ANGEL1: variants seen among roughly 807,000 people sequenced by gnomAD.
ANGEL1 encodes the protein RNA 2',3'-cyclic phosphatase ANGEL1.
A neutral mutation model predicts 76.4 loss-of-function variants in ANGEL1; 62 were observed. The ratio of observed to expected loss-of-function variants is 0.81; its 90% CI spans 0.66 to 1.00. The LOEUF is 1.00. Among genes scored for constraint, ANGEL1 ranks in the 50% least tolerant of loss-of-function variants. ANGEL1 has a pLI of 0.00. For missense variants in ANGEL1, 737 were observed against 836.7 expected (o/e 0.88, Z 1.47); for synonymous variants, 340 against 331.7 (o/e 1.03, Z -0.27).
intron 9 of ANGEL1, among the ~76,000 whole-genome samples, chr14:76,789,872 T>C (rs1314233956): frequency 6.6e-6 from 1 of 150,544 alleles, no homozygotes; most frequent in Non-Finnish European, 1.5e-5. Flanking sequence ...TTTTTTTTTT[T>C]TTTTTTTTTA....
intron 7 of ANGEL1, among the ~76,000 whole-genome samples, chr14:76,797,905 G>T (rs892062163): frequency 3.3e-5 from 5 of 152,208 alleles, no homozygotes; most frequent in Non-Finnish European, 1.5e-5. Context: ...AAATGTTTGT[G>T]TCCCCACAAT....
intron 1 of ANGEL1, among the ~76,000 whole-genome samples, chr14:76,811,519 G>C (rs528764758): frequency 1.2e-4 from 8 of 67,328 alleles, no homozygotes; most frequent in East Asian, 9.8e-4. Flanking sequence ...ATGTGTAGGT[G>C]GGGGGGCGGG....
chr14:76,790,526 G>A, intron 9 of ANGEL1, 85 bp downstream of exon 9: 2 of 1,529,890 alleles, frequency 1.3e-6, no homozygotes, highest in Non-Finnish European at 1.8e-6. Flanking sequence ...CCCAGCAGCT[G>A]AAGACATGCT....
At chr14:76,798,957 A>AC (rs1894667014) in intron 7 of ANGEL1, among the ~76,000 whole-genome samples, 1 of 151,888 alleles carries the variant, frequency 6.6e-6, no homozygotes, top group Non-Finnish European at 1.5e-5. Flanking sequence ...AAAAAAAAAA[A>AC]AAAAAAAACA....
rs34984576 is a variant in ANGEL1, at chr14:76,788,199, G to C, written c.*1029C>G. 1 of 152,220 alleles carries C rather than the reference G, an allele frequency of 6.6e-6. No individual in the cohort carries two copies. The highest frequency in any genetic ancestry group is 1.9e-4 in the East Asian group (1 of 5,192). 9.4% of individuals were successfully genotyped at this position (152,220 alleles called of 1,614,324 possible). On this transcript the variant is annotated 3_prime_UTR_variant, in exon 10 of 10. Transcript: ENST00000251089. ...GTGGAGAGGAAAGAGAATCAGCTTA[G>C]GTCTTCAGTCCCAGCTGAGGCAGCT... is the stretch of plus-strand genomic sequence containing the variant.
chr14:76,803,950 G>C, intron 5 of ANGEL1, 38 bp from the exon 6 acceptor site: 2 of 1,614,082 alleles, frequency 1.2e-6, no homozygotes, highest in Non-Finnish European at 1.7e-6. Context: ...AGGAAACCAA[G>C]ATAGAAAAAG....
chr14:76,797,452 T>C (rs2140216084), intron 7 of ANGEL1, among the ~76,000 whole-genome samples: 1 of 152,228 alleles, frequency 6.6e-6, no homozygotes, highest in Middle Eastern at 3.4e-3. Flanking sequence ...TACAAAAAAT[T>C]AGCTGGGTGT....
intron 1 of ANGEL1, chr14:76,810,293 T>C (rs775046982): frequency 2.0e-5 from 9 of 448,254 alleles, no homozygotes; most frequent in Non-Finnish European, 3.6e-5. Flanking sequence ...CGGTGGCACA[T>C]GCCCATGGTC....
At chr14:76,812,514 C>T in intron 1 of ANGEL1, 1 of 1,242,524 alleles carries the variant, frequency 8.0e-7, no homozygotes. Context: ...CCACCTTAAC[C>T]GCGGCCGGAC....
Position 76,807,461 on chromosome 14 carries a change from C to T in ANGEL1, c.918G>A (p.Glu306=). 1 of 1,613,386 alleles carries T rather than the reference C, an allele frequency of 6.2e-7. No homozygotes were observed. The highest frequency in any genetic ancestry group is 8.5e-7 in the Non-Finnish European group (1 of 1,179,738). Residue 306 remains glutamate (E), a synonymous_variant, in exon 4 of 10, where the codon GAG becomes GAA. Coordinates refer to ENST00000251089, the MANE Select transcript of ANGEL1 (RefSeq NM_015305.4). ...TCATTCGCAGAGAGGGTTCCAGCTG[C>T]TCCCAGTAATGATCTTCCTGGACTT... ...LQEVQEDHYW[E]QLEPSLRMMG...
At chr14:76,802,010 GA>G (rs949493361) in intron 7 of ANGEL1, among the ~76,000 whole-genome samples, 249 of 142,152 alleles carry the variant, frequency 1.8e-3, no homozygotes, top group African/African-American at 4.4e-3. Context: ...TACAAAAAAA[GA>G]AAAAAAAAAA....
At position 76,803,457 on chromosome 14, in the gene ANGEL1, A is replaced by C; in HGVS notation, c.1532T>G (p.Phe511Cys). The C allele has an allele frequency of 6.2e-7, 1 of 1,614,228 alleles. No individual in the cohort carries two copies. Among genetic ancestry groups the C allele is most frequent in the Non-Finnish European group, 8.5e-7 (1 of 1,180,038 alleles). ...GCTGCAGAAGCGGAAACGTAGCAGG[A>C]AGTCTCGGCCATACTTGCGTCTCTC... Reference protein sequence around the residue: ...RSERRKYGRDFLLRFRFCSIA... With the variant: ...RSERRKYGRDCLLRFRFCSIA... Residue 511 changes from phenylalanine to cysteine, a missense_variant, in exon 7 of 10, where the codon TTC (phenylalanine) becomes TGC (cysteine). By Grantham distance (205) the Phe-to-Cys change is radical. Coordinates refer to ENST00000251089, the MANE Select transcript of ANGEL1 (RefSeq NM_015305.4).
chr14:76,807,537 G>C (rs774732444), intron 3 of ANGEL1, 35 bp from the exon 4 acceptor site: 1 of 1,601,854 alleles, frequency 6.2e-7, no homozygotes, highest in Non-Finnish European at 8.5e-7. Context: ...TCACTCCAGA[G>C]TGCTGGAATG....
rs1386882394 is a variant in ANGEL1 at position 76,809,274 on chromosome 14, G to C, written c.434C>G (p.Ser145Cys). 6.2e-7 allele frequency: 1 copy of C among 1,613,434 alleles called. No individual in the cohort carries two copies. Among genetic ancestry groups the C allele is most frequent in the South Asian group, 1.1e-5 (1 of 90,996 alleles). ...PLLEVEGVEG[S>C]MWAAIPMQSE... is the part of the protein sequence containing the mutation. ...CTGCATGGGGATAGCTGCCCACATG[G>C]AGCCCTCCACCCCCTCCACCTCCAG... The change falls in exon 2 of 10, where the codon TCC (serine) becomes TGC (cysteine). Residue 145 changes from serine (S) to cysteine (C), a missense_variant. By Grantham distance (112) the Ser-to-Cys change is moderately radical. This residue lies in a region of ANGEL1 where 441 missense variants were observed against 449.5 expected (regional missense o/e 0.98). Coordinates refer to ENST00000251089, the MANE Select transcript of ANGEL1 (RefSeq NM_015305.4).
chr14:76,808,144 A>G lies in ANGEL1; in HGVS notation c.654T>C (p.Ile218=). The G allele has an allele frequency of 6.2e-7, 1 of 1,613,314 alleles. No individual in the cohort carries two copies. The highest frequency in any genetic ancestry group is 8.5e-7 in the Non-Finnish European group (1 of 1,179,862). ...AGAAATCCTCCCATTCTCGCCACAAAATTTCTGCAAAGGATTGGGAGAAGC... is the reference window on the plus strand; with the variant it reads ...AGAAATCCTCCCATTCTCGCCACAAGATTTCTGCAAAGGATTGGGAGAAGC... The part of the protein sequence containing the change: ...PPAVEIPYHE[I]LWREWEDFST... Residue 218 remains isoleucine, a synonymous_variant, in exon 3 of 10, where the codon ATT becomes ATC. Coordinates refer to ENST00000251089, the MANE Select transcript of ANGEL1 (RefSeq NM_015305.4).
At chr14:76,798,259 A>C (rs2140217178) in intron 7 of ANGEL1, among the ~76,000 whole-genome samples, 1 of 152,068 alleles carries the variant, frequency 6.6e-6, no homozygotes, top group South Asian at 2.1e-4. Context: ...TGAGTAGCTA[A>C]GGCTACAGTC....
intron 1 of ANGEL1, chr14:76,810,371 C>G (rs1309938372): frequency 6.9e-6 from 2 of 290,078 alleles, no homozygotes; most frequent in Admixed American, 8.3e-5. Context: ...TGAGCTATGA[C>G]TGCCCTTCTG....
At position 76,806,895 on chromosome 14, in the gene ANGEL1, C is replaced by A. The variant is rs1894935448; in HGVS notation, c.947-46G>T. The A allele has an allele frequency of 1.9e-6, 3 of 1,572,524 alleles. No individual in the cohort carries two copies. In the Admixed American group the frequency reaches 5.2e-5, roughly 27 times the overall value. Reference sequence around the variant, plus strand: ...AAGAGATGGGTCAGAGTCCTTAAAGCCTGAATCCCTTCCAACCAGCACCAG... The same window carrying A: ...AAGAGATGGGTCAGAGTCCTTAAAGACTGAATCCCTTCCAACCAGCACCAG... On this transcript the variant is annotated intron_variant, in intron 4 of 9. Coordinates refer to ENST00000251089, the MANE Select transcript of ANGEL1 (RefSeq NM_015305.4).
Position 76,803,832 on chromosome 14 carries a change from G to A in ANGEL1, c.1461C>T (p.Ile487=), listed in dbSNP as rs1894836272. 1 of 1,614,188 alleles carries A rather than the reference G, an allele frequency of 6.2e-7. No homozygotes were observed. Among genetic ancestry groups the A allele is most frequent in the Non-Finnish European group, 8.5e-7 (1 of 1,180,038 alleles). ...QAPLWPSSLG[I]TDCCQYVTSC... The stretch of plus-strand genomic sequence containing the variant: ...AGGTGACATACTGACAGCAATCAGT[G>A]ATGCCCAGGGAGCTGGGCCACAGTG... The change falls in exon 6 of 10, where the codon ATC becomes ATT. Residue 487 remains isoleucine, a synonymous_variant. Coordinates refer to ENST00000251089, the MANE Select transcript of ANGEL1 (RefSeq NM_015305.4).
Sources: gnomAD v4.1 joint callset for allele counts (sites outside exome capture counted in the v4.1 genomes callset) on GRCh38, gnomAD v4.1.1 for gene constraint, gnomAD v4.1.1 regional missense constraint, MANE v1.5 for transcripts, NCBI Gene and HGNC (gene_info 2026-07-23, HGNC 2026-07-21) for gene names.